Variants in FAT4 observed in about 807,000 individuals in gnomAD.
The protein encoded by FAT4 is protocadherin Fat 4.
FAT4 carries 84 observed loss-of-function variants against 303.9 expected under a neutral mutation model. That is an observed-to-expected ratio of 0.28 (90% CI 0.23 to 0.33). The LOEUF (loss-of-function observed/expected upper bound fraction) is 0.33, where lower values mean the gene tolerates loss of function less well. Among genes scored for constraint, FAT4 ranks in the 10% least tolerant of loss-of-function variants. The pLI, the probability that FAT4 is intolerant of heterozygous loss-of-function variation, is 1.00. For synonymous variants in FAT4, 2,307 were observed against 2,298.8 expected (o/e 1.00, Z -0.10); for missense variants, 6,005 against 6,146.8 (o/e 0.98, Z 0.77).
At position 125,477,205 on chromosome 4, in the gene FAT4, T is replaced by A; in HGVS notation, c.12350T>A (p.Leu4117Gln). 4 of 1,515,456 alleles carry A rather than the reference T, an allele frequency of 2.6e-6. No homozygotes were observed. The African/African-American group carries it at 5.7e-5, about 21-fold the overall frequency. The allele number at this position is 1,515,456 out of a possible 1,614,324, so 93.9% of individuals were successfully genotyped here. ...NRVTVGGIRS[L>Q]EPILQRRGHV... is the part of the protein sequence containing the mutation. ...GTTACAGTTGGAGGTATCAGATCTC[T>A]AGAACCAATCCTTCAGAGAAGAGGA... Residue 4117 changes from leucine (L) to glutamine (Q), a missense_variant, in exon 14 of 18, where the codon CTA becomes CAA. Physicochemically the swap from Leu to Gln is moderately radical, Grantham distance 113 (BLOSUM62 -2). Coordinates refer to ENST00000394329, the MANE Select transcript of FAT4 (RefSeq NM_001291303.3).
intron 16 of FAT4, among the ~76,000 whole-genome samples, chr4:125,485,116 A>T (rs1395238): frequency 0.75 from 114,721 of 152,000 alleles, 43,438 homozygotes; most frequent in East Asian, 0.85. Context: ...TCTGAGTCAG[A>T]GAGTCATTAA....
At chr4:125,354,656 A>C (rs1230398501) in intron 2 of FAT4, among the ~76,000 whole-genome samples, 1 of 151,488 alleles carries the variant, frequency 6.6e-6, no homozygotes, top group Non-Finnish European at 1.5e-5. Context: ...AATTAGTATC[A>C]AGCCTCAGTT....
chr4:125,448,375 A>G (rs1725902549), intron 9 of FAT4, 86 bp from the exon 10 acceptor site: 2 of 1,214,648 alleles, frequency 1.6e-6, no homozygotes, highest in South Asian at 1.5e-5. Flanking sequence ...TCAAGCAGCA[A>G]TAGAGTGTCT....
chr4:125,399,409 G>A (rs1734300352), intron 3 of FAT4, among the ~76,000 whole-genome samples: 1 of 151,676 alleles, frequency 6.6e-6, no homozygotes, highest in Admixed American at 6.6e-5. Flanking sequence ...TTTGTGATTT[G>A]TATTTTTCTT....
intron 2 of FAT4, among the ~76,000 whole-genome samples, chr4:125,337,886 C>G (rs1009162401): frequency 6.6e-6 from 1 of 152,100 alleles, no homozygotes; most frequent in African/African-American, 2.4e-5. Flanking sequence ...AAGCTGTCTT[C>G]CCCAAGAGTA....
chr4:125,355,977 T>C (rs1242760829), intron 2 of FAT4, among the ~76,000 whole-genome samples: 1 of 152,040 alleles, frequency 6.6e-6, no homozygotes, highest in Non-Finnish European at 1.5e-5. Context: ...CCCTGCTGTT[T>C]GGATCATGTT....
intron 7 of FAT4, among the ~76,000 whole-genome samples, chr4:125,428,037 A>G (rs891161294): frequency 7.2e-5 from 11 of 152,002 alleles, no homozygotes; most frequent in Non-Finnish European, 1.3e-4. Flanking sequence ...GGTGGCTCAC[A>G]CCTGTAATCT....
intron 11 of FAT4, among the ~76,000 whole-genome samples, chr4:125,464,271 C>T (rs1726581205): frequency 6.6e-6 from 1 of 151,980 alleles, no homozygotes; most frequent in African/African-American, 2.4e-5. Flanking sequence ...TTTTTGTATA[C>T]ATACATATTT....
intron 7 of FAT4, among the ~76,000 whole-genome samples, chr4:125,420,112 C>T (rs1735232525): frequency 6.6e-6 from 1 of 152,150 alleles, no homozygotes; most frequent in African/African-American, 2.4e-5. Flanking sequence ...CTTGTCTGAC[C>T]AGTAATGTTA....
intron 2 of FAT4, among the ~76,000 whole-genome samples, chr4:125,337,471 G>A (rs1487062423): frequency 1.3e-5 from 2 of 151,866 alleles, no homozygotes; most frequent in African/African-American, 4.8e-5. Flanking sequence ...ACCTAAACTT[G>A]CCTCCTAATT....
intron 11 of FAT4, among the ~76,000 whole-genome samples, chr4:125,467,518 T>A (rs988335873): frequency 3.3e-5 from 5 of 152,158 alleles, no homozygotes; most frequent in Non-Finnish European, 5.9e-5. Flanking sequence ...GTAACATCAA[T>A]AAAACTCATT....
chr4:125,473,606 A>G (rs1272611309), intron 12 of FAT4, among the ~76,000 whole-genome samples: 1 of 151,992 alleles, frequency 6.6e-6, no homozygotes, highest in Non-Finnish European at 1.5e-5. Flanking sequence ...GTAATAGTAG[A>G]CATCACCTCA....
At chr4:125,396,973 G>A (rs1734210708) in intron 2 of FAT4, among the ~76,000 whole-genome samples, 2 of 147,906 alleles carry the variant, frequency 1.4e-5, no homozygotes, top group East Asian at 2.0e-4. Context: ...TATAAAATAT[G>A]TATGTGTGTG....
chr4:125,371,206 G>A (rs1171152458), intron 2 of FAT4, among the ~76,000 whole-genome samples: 1 of 150,334 alleles, frequency 6.7e-6, no homozygotes, highest in Admixed American at 6.6e-5. Context: ...TTATTTTATA[G>A]GGTTATTTTA....
chr4:125,372,389 A>T (rs988924737), intron 2 of FAT4, among the ~76,000 whole-genome samples: 3 of 151,936 alleles, frequency 2.0e-5, no homozygotes, highest in Non-Finnish European at 2.9e-5. Flanking sequence ...AGATGGATCA[A>T]CAAAAGTGAT....
At chr4:125,327,941 T>C (rs892302040) in intron 2 of FAT4, among the ~76,000 whole-genome samples, 4 of 152,264 alleles carry the variant, frequency 2.6e-5, no homozygotes, top group Admixed American at 2.0e-4. Context: ...TTAGTGACTG[T>C]AGCAAACTGC....
intron 6 of FAT4, among the ~76,000 whole-genome samples, 169 bp from the exon 7 acceptor site, chr4:125,416,279 G>A (rs576939583): frequency 9.2e-5 from 14 of 151,872 alleles, no homozygotes; most frequent in Non-Finnish European, 2.1e-4. Context: ...AAATAGACTC[G>A]GGTGATATAT....
In FAT4 at chr4:125,477,162, G is replaced by T; in HGVS notation, c.12307G>T (p.Asp4103Tyr). 1 of 1,357,654 alleles carries T rather than the reference G, an allele frequency of 7.4e-7. No individual in the cohort carries two copies. 84.1% of individuals were successfully genotyped at this position (1,357,654 alleles called of 1,614,324 possible). Reference protein sequence around the residue: ...NVAVSDDWTLDVQPNRVTVGG... With the variant: ...NVAVSDDWTLYVQPNRVTVGG... ...CTTCCATTATTTATTTAGGACTCTT[G>T]ATGTTCAGCCAAATAGAGTTACAGT... The change falls in exon 14 of 18, where the codon GAT becomes TAT. Residue 4103 changes from aspartate to tyrosine, a missense_variant. Physicochemically the swap from Asp to Tyr is radical, Grantham distance 160 (BLOSUM62 -3). Coordinates refer to ENST00000394329, the MANE Select transcript of FAT4 (RefSeq NM_001291303.3).
Position 125,481,655 on chromosome 4 carries a change from A to G in FAT4, c.12739A>G (p.Ser4247Gly), listed in dbSNP as rs1266371174. The change falls in exon 16 of 18, where the codon AGT (serine) becomes GGT (glycine). Residue 4247 changes from serine (S) to glycine (G), a missense_variant. Physicochemically the swap from Ser to Gly is moderately conservative, Grantham distance 56. Transcript: ENST00000394329. Reference protein sequence around the residue: ...GAMLEPFGVNSLEVKFRTRSE... With the variant: ...GAMLEPFGVNGLEVKFRTRSE... ...CATGTTGGAGCCTTTTGGTGTGAACAGTCTGGAAGTAAAATTTAGGACCAG... is the reference window on the plus strand; with the variant it reads ...CATGTTGGAGCCTTTTGGTGTGAACGGTCTGGAAGTAAAATTTAGGACCAG... 1 of 1,614,086 alleles carries G rather than the reference A, an allele frequency of 6.2e-7. No homozygotes were observed. The highest frequency in any genetic ancestry group is 8.5e-7 in the Non-Finnish European group (1 of 1,179,934).
Sources: allele counts gnomAD v4.1 joint callset (sites outside exome capture counted in the v4.1 genomes callset), GRCh38; gene constraint gnomAD v4.1.1; transcripts MANE v1.5; gene names NCBI Gene and HGNC (gene_info 2026-07-23, HGNC 2026-07-21).